SLC38A3: variants seen among roughly 807,000 people sequenced by gnomAD.
The protein encoded by SLC38A3 is solute carrier family 38 member 3.
In SLC38A3, 17 loss-of-function variants were observed where a neutral mutation model predicts 59.5. The observed-to-expected ratio is 0.29, with a 90% CI of 0.20 to 0.43. The LOEUF (loss-of-function observed/expected upper bound fraction) is 0.43, where lower values mean the gene tolerates loss of function less well. SLC38A3 is among the 20% of genes least tolerant of loss of function. The pLI, the probability that SLC38A3 is intolerant of heterozygous loss-of-function variation, is 1.00. For missense variants in SLC38A3, 454 were observed against 653.9 expected, an observed-to-expected ratio of 0.69 and a Z score of 3.33; for synonymous variants, 238 against 260.3, an observed-to-expected ratio of 0.91 and a Z score of 0.82.
In SLC38A3 at chr3:50,218,530, G is replaced by A. The variant is rs1045571806; in HGVS notation, c.1037-63G>A. On this transcript the variant is annotated intron_variant, in intron 12 of 15. Transcript: ENST00000614032. The surrounding 1 kb of genome is among the most constrained non-coding windows in gnomAD (Gnocchi z 5.8). ...ATCCCCACAGTGTTGGGGTCCCCTA[G>A]GCAGCTCAGATCCCACCTCCTTCCT... The A allele has an allele frequency of 1.3e-6, 2 of 1,594,970 alleles. No homozygotes were observed. The highest frequency in any genetic ancestry group is 2.7e-5 in the African/African-American group (2 of 74,670).
Position 50,220,061 on chromosome 3 carries a change from C to T in SLC38A3, c.1411-12C>T. ...CTGACCTCGGACCTGACCCTGACTTCTGATTCCACAGGCCCTGTGTTTTGC... is the reference window on the plus strand; with the variant it reads ...CTGACCTCGGACCTGACCCTGACTTTTGATTCCACAGGCCCTGTGTTTTGC... On this transcript the variant is annotated splice_polypyrimidine_tract_variant and intron_variant, in intron 15 of 15. Transcript: ENST00000614032. The T allele has an allele frequency of 6.2e-7, 1 of 1,603,982 alleles. No individual in the cohort carries two copies. The highest frequency in any genetic ancestry group is 1.3e-5 in the African/African-American group (1 of 74,864).
rs764646844 is a variant in SLC38A3 at position 50,217,431 on chromosome 3, C to T, written c.648C>T (p.Ser216=). Reference sequence around the variant, plus strand: ...ACTTTGCAGGCTACCTGGGCTACTCCAGCGGCTTCTCTCTTAGCTGCATGG... The same window carrying T: ...ACTTTGCAGGCTACCTGGGCTACTCTAGCGGCTTCTCTCTTAGCTGCATGG... ...LMRQLGYLGY[S]SGFSLSCMVF... Residue 216 remains serine (S), a synonymous_variant, in exon 9 of 16, where the codon TCC becomes TCT. Transcript: ENST00000614032. The surrounding 1 kb of genome is among the most constrained non-coding windows in gnomAD (Gnocchi z 4.9). 1.9e-6 allele frequency: 3 copies of T among 1,613,478 alleles called. No homozygotes were observed. Among genetic ancestry groups the T allele is most frequent in the Non-Finnish European group, 1.7e-6 (2 of 1,179,698 alleles).
rs1398330988 is a variant in SLC38A3 at position 50,220,159 on chromosome 3, G to A, written c.1497G>A (p.Arg499=). The A allele has an allele frequency of 6.3e-7, 1 of 1,594,808 alleles. No individual in the cohort carries two copies. The highest frequency in any genetic ancestry group is 1.7e-5 in the Admixed American group (1 of 57,800). ...TTGACTGGGCCTCAGGGACCAGCCG[G>A]CATGGAGGAAACCACTAGGGTGACC... The part of the protein sequence containing the change: ...IIIDWASGTS[R]HGGNH The change falls in exon 16 of 16, where the codon CGG becomes CGA. Residue 499 remains arginine, a synonymous_variant. Transcript: ENST00000614032.
chr3:50,218,214 G>A lies in SLC38A3; in HGVS notation c.936-56G>A. On this transcript the variant is annotated intron_variant, in intron 11 of 15. Coordinates refer to ENST00000614032, the MANE Select transcript of SLC38A3 (RefSeq NM_006841.6). The surrounding 1 kb of genome is among the most constrained non-coding windows in gnomAD (Gnocchi z 5.8). The stretch of plus-strand genomic sequence containing the variant: ...CCAGAGAGAGCTTGGGGCACATGGG[G>A]GTCTCCCAATGTTACCCAGCTTGTC... 1 of 1,286,178 alleles carries A rather than the reference G, an allele frequency of 7.8e-7. No homozygotes were observed. The highest frequency in any genetic ancestry group is 1.1e-6 in the Non-Finnish European group (1 of 882,146). 79.7% of individuals were successfully genotyped at this position (1,286,178 alleles called of 1,614,324 possible).
intron 1 of SLC38A3, among the ~76,000 whole-genome samples, chr3:50,210,841 A>T (rs550820144): frequency 6.6e-6 from 1 of 151,956 alleles, no homozygotes; most frequent in African/African-American, 2.4e-5. Flanking sequence ...TTCACACTAC[A>T]TCCATGACAG....
chr3:50,217,566 C>T lies in SLC38A3; in HGVS notation c.690+93C>T, dbSNP rs148343577. The T allele has an allele frequency of 2.8e-4, 442 of 1,578,204 alleles. No individual in the cohort carries two copies. The African/African-American group carries it at 5.1e-3, about 18-fold the overall frequency. ...GGAGGGGGCAGGTGTCTCTGGGAAG[C>T]CTGGGCCAGAAGGCAGCTCCACCAG... On this transcript the variant is annotated intron_variant, in intron 9 of 15. Coordinates refer to ENST00000614032, the MANE Select transcript of SLC38A3 (RefSeq NM_006841.6). This position sits in a 1 kb window ranked among gnomAD's most constrained non-coding sequence, Gnocchi z 4.9.
Position 50,218,723 on chromosome 3 carries a change from C to A in SLC38A3, c.1161+6C>A. ...TGCCCATCGTTCTGTTCCCGGTGAGCTGGTGGGCAGGTGGCTAGACTAGTG... is the reference window on the plus strand; with the variant it reads ...TGCCCATCGTTCTGTTCCCGGTGAGATGGTGGGCAGGTGGCTAGACTAGTG... On this transcript the variant is annotated splice_donor_region_variant and intron_variant, in intron 13 of 15. Coordinates refer to ENST00000614032, the MANE Select transcript of SLC38A3 (RefSeq NM_006841.6). The surrounding 1 kb of genome is among the most constrained non-coding windows in gnomAD (Gnocchi z 5.8). 1 of 1,604,134 alleles carries A rather than the reference C, an allele frequency of 6.2e-7. No individual in the cohort carries two copies. The highest frequency in any genetic ancestry group is 1.1e-5 in the South Asian group (1 of 90,932).
intron 1 of SLC38A3, among the ~76,000 whole-genome samples, chr3:50,211,784 T>A (rs936691220): frequency 6.6e-6 from 1 of 151,894 alleles, no homozygotes; most frequent in East Asian, 1.9e-4. Flanking sequence ...ATGGGGTTTT[T>A]CCATGTTGGT....
intron 1 of SLC38A3, among the ~76,000 whole-genome samples, chr3:50,213,517 G>A (rs946985597): frequency 1.3e-5 from 2 of 152,214 alleles, no homozygotes; most frequent in Non-Finnish European, 2.9e-5. Context: ...CCTGGCTCTG[G>A]GGAGGGGGGA....
chr3:50,209,687 G>A (rs1217098249), intron 1 of SLC38A3, among the ~76,000 whole-genome samples: 1 of 151,722 alleles, frequency 6.6e-6, no homozygotes, highest in African/African-American at 2.4e-5. Context: ...AATGTACCCG[G>A]CCACAGGAAA....
rs754113580 is a variant in SLC38A3, at chr3:50,218,786, T to G, written c.1162-18T>G. Reference sequence around the variant, plus strand: ...GATGGGGCCAACAGGCTGATGATTCTTCTCACCTGCCCCCCAGGTGCGCCG... The same window carrying G: ...GATGGGGCCAACAGGCTGATGATTCGTCTCACCTGCCCCCCAGGTGCGCCG... On this transcript the variant is annotated intron_variant, in intron 13 of 15. Coordinates refer to ENST00000614032, the MANE Select transcript of SLC38A3 (RefSeq NM_006841.6). This position sits in a 1 kb window ranked among gnomAD's most constrained non-coding sequence, Gnocchi z 5.8. 6.2e-7 allele frequency: 1 copy of G among 1,601,128 alleles called. No homozygotes were observed. Among genetic ancestry groups the G allele is most frequent in the East Asian group, 2.2e-5 (1 of 44,500 alleles).
At chr3:50,216,429 A>C (rs1699820725) in intron 7 of SLC38A3, among the ~76,000 whole-genome samples, 1 of 152,164 alleles carries the variant, frequency 6.6e-6, no homozygotes, top group Non-Finnish European at 1.5e-5. Flanking sequence ...CCTGGCCCTT[A>C]TCCCCTTGTT....
intron 1 of SLC38A3, among the ~76,000 whole-genome samples, chr3:50,212,313 G>A (rs149261446): frequency 0.01 from 1,570 of 152,304 alleles, 23 homozygotes; most frequent in Middle Eastern, 0.027. Context: ...GCAGGGGGCC[G>A]AGAGAGGGCA....
chr3:50,207,304 G>C (rs377284628), intron 1 of SLC38A3: 1 of 152,164 alleles, frequency 6.6e-6, no homozygotes, highest in South Asian at 2.1e-4. Context: ...CATTCCATTC[G>C]TTTATTTTTT....
intron 7 of SLC38A3, among the ~76,000 whole-genome samples, chr3:50,216,165 G>GC (rs943203894): frequency 3.3e-4 from 50 of 151,910 alleles, no homozygotes; most frequent in Non-Finnish European, 5.9e-4. Context: ...CCATGGGGTT[G>GC]CCCCCCCCAA....
chr3:50,218,454 C>T lies in SLC38A3; in HGVS notation c.1036+84C>T, dbSNP rs771870035. The T allele has an allele frequency of 6.6e-6, 10 of 1,523,072 alleles. No individual in the cohort carries two copies. The highest frequency in any genetic ancestry group is 4.5e-5 in the East Asian group (2 of 44,394). 94.3% of individuals were successfully genotyped at this position (1,523,072 alleles called of 1,614,324 possible). The stretch of plus-strand genomic sequence containing the variant: ...GGCCATGGTGCCCTCCATACCGAGG[C>T]GTGTGGTGCCTGGCTGTGCCTTGCC... On this transcript the variant is annotated intron_variant, in intron 12 of 15. Transcript: ENST00000614032. The surrounding 1 kb of genome is among the most constrained non-coding windows in gnomAD (Gnocchi z 5.8).
rs775450991 is a variant in SLC38A3, at chr3:50,217,194, G to A, written c.549-44G>A. 1.4e-6 allele frequency: 2 copies of A among 1,477,608 alleles called. No homozygotes were observed. The highest frequency in any genetic ancestry group is 2.4e-5 in the South Asian group (2 of 84,528). 91.5% of individuals were successfully genotyped at this position (1,477,608 alleles called of 1,614,324 possible). ...GAGGGAGGCAGGGGCCCCATCCCAG[G>A]CTGAATGGATTCTGACCCTGGCTCC... On this transcript the variant is annotated intron_variant, in intron 7 of 15. Coordinates refer to ENST00000614032, the MANE Select transcript of SLC38A3 (RefSeq NM_006841.6). This position sits in a 1 kb window ranked among gnomAD's most constrained non-coding sequence, Gnocchi z 4.9.
At position 50,220,002 on chromosome 3, in the gene SLC38A3, G is replaced by T. The variant is rs1006659077; in HGVS notation, c.1410+18G>T. On this transcript the variant is annotated intron_variant, in intron 15 of 15. Transcript: ENST00000614032. ...AAATCCTGGTGCGAGGGGCCTGGAGGCCGGTGGGCTGGTATGGGGCTAAGG... is the reference window on the plus strand; with the variant it reads ...AAATCCTGGTGCGAGGGGCCTGGAGTCCGGTGGGCTGGTATGGGGCTAAGG... 6.8e-6 allele frequency: 11 copies of T among 1,607,100 alleles called. No individual in the cohort carries two copies. In the Admixed American group the frequency reaches 1.7e-4, roughly 25 times the overall value.
rs368319587 is a variant in SLC38A3, at chr3:50,217,680, T to C, written c.695T>C (p.Ile232Thr). 55 of 1,613,780 alleles carry C rather than the reference T, an allele frequency of 3.4e-5. No individual in the cohort carries two copies. In the African/African-American group the frequency reaches 6.3e-4, roughly 18 times the overall value. ...CCTCATCCCTCCCCACTCCAGGTCA[T>C]CTACAAAAAGTTCCACGTGCCCTGC... The part of the protein sequence containing the change: ...SCMVFFLIAV[I>T]YKKFHVPCPL... Residue 232 changes from isoleucine (I) to threonine (T), a missense_variant, in exon 10 of 16, where the codon ATC becomes ACC. This residue lies in a region of SLC38A3 where 390 missense variants were observed against 557.9 expected (regional missense o/e 0.70). Transcript: ENST00000614032. This position sits in a 1 kb window ranked among gnomAD's most constrained non-coding sequence, Gnocchi z 4.9.
Sources: allele counts gnomAD v4.1 joint callset (sites outside exome capture counted in the v4.1 genomes callset), GRCh38; gene constraint gnomAD v4.1.1; regional missense constraint gnomAD v4.1.1; non-coding constraint Gnocchi (gnomAD v3.1); transcripts MANE v1.5; gene names NCBI Gene and HGNC (gene_info 2026-07-23, HGNC 2026-07-21).